SMOC2: variants seen among roughly 807,000 people sequenced by gnomAD.
SMOC2 encodes SPARC related modular calcium binding 2, also known as SPARC-related modular calcium-binding protein 2.
SMOC2 carries 39 observed loss-of-function variants against 61.4 expected under a neutral mutation model. The observed-to-expected ratio is 0.64, with a 90% CI of 0.49 to 0.83. The LOEUF (loss-of-function observed/expected upper bound fraction) is 0.83. Among genes scored for constraint, SMOC2 ranks in the 40% least tolerant of loss-of-function variants. The pLI is 0.00. For missense variants in SMOC2, 556 were observed against 592.9 expected (o/e 0.94, Z 0.65); for synonymous variants, 247 against 239.9 (o/e 1.03, Z -0.27).
chr6:168,466,884 C>T (rs902303021), intron 1 of SMOC2, among the ~76,000 whole-genome samples: 1 of 152,162 alleles, frequency 6.6e-6, no homozygotes, highest in South Asian at 2.1e-4. Context: ...AATCCCAAGC[C>T]GCTTCTCCAA....
At chr6:168,507,599 C>A (rs371032486) in intron 1 of SMOC2, among the ~76,000 whole-genome samples, 1 of 152,222 alleles carries the variant, frequency 6.6e-6, no homozygotes, top group African/African-American at 2.4e-5. Flanking sequence ...CCCGGGGCGC[C>A]CCCCACTGCT....
Position 168,553,359 on chromosome 6 carries a change from A to C in SMOC2, c.637+4156A>C, listed in dbSNP as rs1375500688. Among the ~76,000 whole-genome samples the C allele has an allele frequency of 1.4e-4, 21 of 152,226 alleles. No homozygotes were observed. Among genetic ancestry groups the C allele is most frequent in the Admixed American group, 1.4e-3 (21 of 15,282 alleles). On this transcript the variant is annotated intron_variant, in intron 7 of 12. Coordinates refer to ENST00000356284, the MANE Select transcript of SMOC2 (RefSeq NM_001166412.2). The surrounding 1 kb of genome is among the most constrained non-coding windows in gnomAD (Gnocchi z 4.2). ...TGTTTTATTACTCTTTTCATAGAAG[A>C]TACATAAACTAGTTACAAGATTTTA... is the stretch of plus-strand genomic sequence containing the variant.
Position 168,652,993 on chromosome 6 carries a change from G to C in SMOC2, c.1050G>C (p.Arg350=). Residue 350 remains arginine, a synonymous_variant, in exon 11 of 13, where the codon CGG becomes CGC. Transcript: ENST00000356284. ...ACCCCAGCCATACCCTAGAGGAGCG[G>C]GTGGTGCACTGGTACTTCAAACTAC... ...EPDPSHTLEE[R]VVHWYFKLLD... The C allele has an allele frequency of 1.2e-6, 2 of 1,613,988 alleles. No individual in the cohort carries two copies. Among genetic ancestry groups the C allele is most frequent in the Non-Finnish European group, 1.7e-6 (2 of 1,179,960 alleles).
At chr6:168,548,739 C>T (rs771923809) in intron 6 of SMOC2, among the ~76,000 whole-genome samples, 3 of 152,162 alleles carry the variant, frequency 2.0e-5, no homozygotes, top group East Asian at 3.9e-4. Context: ...AAAAGTTATA[C>T]TTCACATATT....
chr6:168,618,063 T>G (rs1444279448), intron 9 of SMOC2, among the ~76,000 whole-genome samples: 2 of 152,240 alleles, frequency 1.3e-5, no homozygotes, highest in Admixed American at 6.5e-5. Flanking sequence ...AACGGATCTG[T>G]CCTATGGCGT....
At chr6:168,594,103 C>A (rs2115177288) in intron 7 of SMOC2, among the ~76,000 whole-genome samples, 1 of 69,470 alleles carries the variant, frequency 1.4e-5, no homozygotes, top group Admixed American at 1.2e-4. Context: ...CTTCCTGAGG[C>A]CTCACGAGGG....
chr6:168,465,462 C>T (rs1781806461), intron 1 of SMOC2, among the ~76,000 whole-genome samples: 3 of 146,700 alleles, frequency 2.0e-5, no homozygotes, highest in African/African-American at 7.7e-5. Flanking sequence ...GCCATCAGAT[C>T]AGCCGGAAAA....
chr6:168,666,641 A>T lies in SMOC2; in HGVS notation c.*203A>T. 3.2e-6 allele frequency: 2 copies of T among 615,526 alleles called. No individual in the cohort carries two copies. Among genetic ancestry groups the T allele is most frequent in the Non-Finnish European group, 5.8e-6 (2 of 342,480 alleles). 38.1% of individuals were successfully genotyped at this position (615,526 alleles called of 1,614,324 possible). The stretch of plus-strand genomic sequence containing the variant: ...GGCTTCAGAAAATTAATCACATACA[A>T]TGTATGTGTCCTCTTTTGACCTTGG... On this transcript the variant is annotated 3_prime_UTR_variant, in exon 13 of 13. Coordinates refer to ENST00000356284, the MANE Select transcript of SMOC2 (RefSeq NM_001166412.2).
At chr6:168,495,870 C>T (rs144994233) in intron 1 of SMOC2, among the ~76,000 whole-genome samples, 2,553 of 152,360 alleles carry the variant, frequency 0.017, 30 homozygotes, top group Middle Eastern at 0.051. Context: ...CCACACGGCC[C>T]GCCCTGCCCT....
At chr6:168,506,114 C>G (rs1486227173) in intron 1 of SMOC2, among the ~76,000 whole-genome samples, 1 of 151,996 alleles carries the variant, frequency 6.6e-6, no homozygotes, top group Non-Finnish European at 1.5e-5. Flanking sequence ...CTCAAGTGAG[C>G]CTCCCACCTC....
At chr6:168,457,453 T>A (rs1314390604) in intron 1 of SMOC2, among the ~76,000 whole-genome samples, 1 of 152,214 alleles carries the variant, frequency 6.6e-6, no homozygotes, top group Non-Finnish European at 1.5e-5. Flanking sequence ...CTGCAGTGAC[T>A]TCATCGCCTT....
intron 7 of SMOC2, among the ~76,000 whole-genome samples, chr6:168,555,937 G>A (rs1784238645): frequency 6.6e-6 from 1 of 152,148 alleles, no homozygotes. Flanking sequence ...GATGGGTCGG[G>A]GCCAGACACC....
chr6:168,445,220 T>A (rs1781305236), intron 1 of SMOC2, among the ~76,000 whole-genome samples: 1 of 152,170 alleles, frequency 6.6e-6, no homozygotes, highest in African/African-American at 2.4e-5. Flanking sequence ...TTGCACTGTC[T>A]TCAGGAACTT....
At chr6:168,481,837 G>C (rs1223777109) in intron 1 of SMOC2, among the ~76,000 whole-genome samples, 2 of 151,746 alleles carry the variant, frequency 1.3e-5, no homozygotes, top group African/African-American at 4.8e-5. Context: ...AATGGAAAAA[G>C]ATTCCATGCC....
rs1333490613 is a variant in SMOC2 at position 168,655,858 on chromosome 6, C to T, written c.1285+2630C>T. ...ATCTCACTGCACGTATGTGCTCGATCCCTTGCATGTGTGAGCTAGATCCCC... is the reference window on the plus strand; with the variant it reads ...ATCTCACTGCACGTATGTGCTCGATTCCTTGCATGTGTGAGCTAGATCCCC... On this transcript the variant is annotated intron_variant, in intron 11 of 12. Coordinates refer to ENST00000356284, the MANE Select transcript of SMOC2 (RefSeq NM_001166412.2). Among the ~76,000 whole-genome samples, 3 of 152,092 alleles carry T rather than the reference C, an allele frequency of 2.0e-5. No homozygotes were observed. The East Asian group carries it at 5.8e-4, about 29-fold the overall frequency.
intron 9 of SMOC2, among the ~76,000 whole-genome samples, chr6:168,622,891 C>T (rs1371834610): frequency 1.3e-5 from 2 of 152,174 alleles, no homozygotes; most frequent in Admixed American, 6.5e-5. Flanking sequence ...CCACATTTCT[C>T]CAAGGAGAGG....
intron 9 of SMOC2, among the ~76,000 whole-genome samples, chr6:168,646,329 C>G (rs1451261346): frequency 6.6e-6 from 1 of 152,144 alleles, no homozygotes; most frequent in African/African-American, 2.4e-5. Context: ...TTCTCTTGAT[C>G]GGTGAGTGAG....
intron 1 of SMOC2, among the ~76,000 whole-genome samples, chr6:168,447,830 CAAAAAA>C (rs58077336): frequency 1.1e-5 from 1 of 93,518 alleles, no homozygotes; most frequent in African/African-American, 3.9e-5. Flanking sequence ...AGTTTGTTGG[CAAAAAA>C]AAAAAAAAAA....
rs375740047 is a variant in SMOC2 at position 168,562,502 on chromosome 6, G to A, written c.637+13299G>A. On this transcript the variant is annotated intron_variant, in intron 7 of 12. Transcript: ENST00000356284. ...GACACGAGGCTCTGACTGCGTTTTC[G>A]GAGGAGGTGTTATTTTCATGCCGTC... Among the ~76,000 whole-genome samples the A allele has an allele frequency of 2.6e-4, 39 of 152,256 alleles. No individual in the cohort carries two copies. The East Asian group carries it at 4.1e-3, about 16-fold the overall frequency.
Sources: allele counts gnomAD v4.1 joint callset (sites outside exome capture counted in the v4.1 genomes callset), GRCh38; gene constraint gnomAD v4.1.1; non-coding constraint Gnocchi (gnomAD v3.1); transcripts MANE v1.5; gene names NCBI Gene and HGNC (gene_info 2026-07-23, HGNC 2026-07-21).